Variants in RGS3 observed in about 807,000 individuals in gnomAD.
The protein encoded by RGS3 is regulator of G-protein signalling 3.
A neutral mutation model predicts 132.6 loss-of-function variants in RGS3; 80 were observed. The observed-to-expected ratio is 0.60, with a 90% CI of 0.50 to 0.73. RGS3 has a LOEUF of 0.73. Among genes scored for constraint, RGS3 ranks in the 30% least tolerant of loss-of-function variants. RGS3 has a pLI of 0.00. For synonymous variants in RGS3, 598 were observed against 620.6 expected (o/e 0.96, Z 0.54); for missense variants, 1,382 against 1,530.8 (o/e 0.90, Z 1.62).
intron 19 of RGS3, among the ~76,000 whole-genome samples, chr9:113,567,332 G>A (rs1834059549): frequency 6.6e-6 from 1 of 152,060 alleles, no homozygotes; most frequent in Non-Finnish European, 1.5e-5. Context: ...GGCACCCATG[G>A]ATATTGCTTT....
At chr9:113,488,238 A>G (rs1830398002) in intron 7 of RGS3, among the ~76,000 whole-genome samples, 1 of 152,186 alleles carries the variant, frequency 6.6e-6, no homozygotes. Context: ...GTCTCCACCT[A>G]AGACAGAGTT....
intron 19 of RGS3, among the ~76,000 whole-genome samples, chr9:113,569,908 A>G (rs1834209736): frequency 6.6e-6 from 1 of 152,010 alleles, no homozygotes; most frequent in Non-Finnish European, 1.5e-5. Flanking sequence ...ATGCTTGCCC[A>G]TTGAAGAGCA....
At chr9:113,590,663 C>T (rs909380356) in intron 20 of RGS3, among the ~76,000 whole-genome samples, 1 of 152,024 alleles carries the variant, frequency 6.6e-6, no homozygotes, top group African/African-American at 2.4e-5. Flanking sequence ...GAGATGAAGA[C>T]CTTCTGTTGG....
At chr9:113,529,387 C>T in intron 18 of RGS3, 123 bp downstream of exon 16, 1 of 865,520 alleles carries the variant, frequency 1.2e-6, no homozygotes, top group Non-Finnish European at 1.9e-6. Flanking sequence ...TGCCGAAGTC[C>T]TGGGCAAGGC....
chr9:113,583,474 A>C (rs749349337), exon 20 of RGS3: 1 of 1,614,168 alleles, frequency 6.2e-7, no homozygotes, highest in Non-Finnish European at 8.5e-7. Flanking sequence ...GGCAGATGAG[A>C]AGAGGGAGAT....
chr9:113,492,445 T>C (rs1162931600), intron 7 of RGS3, among the ~76,000 whole-genome samples: 1 of 152,232 alleles, frequency 6.6e-6, no homozygotes, highest in Non-Finnish European at 1.5e-5. Context: ...ATCCCCTGTA[T>C]TGCTGTCTTG....
chr9:113,538,314 A>C (rs1202154252), intron 19 of RGS3, among the ~76,000 whole-genome samples: 1 of 152,136 alleles, frequency 6.6e-6, no homozygotes, highest in Non-Finnish European at 1.5e-5. Flanking sequence ...ACCTGTCCCC[A>C]TGCCTATAGG....
rs975192919 is a variant in RGS3 at position 113,468,368 on chromosome 9, C to T, written c.415+6167C>T. On this transcript the variant is annotated intron_variant, in intron 3 of 24. Coordinates refer to ENST00000350696, the Ensembl canonical transcript of RGS3. ...TGAAAATCAATTGCCCATAAACCCA[C>T]GGCTTATTTCTAGGCTTTCAATTCT... is the stretch of plus-strand genomic sequence containing the variant. Among the ~76,000 whole-genome samples the T allele has an allele frequency of 5.3e-5, 8 of 152,252 alleles. No individual in the cohort carries two copies. The East Asian group carries it at 7.7e-4, about 15-fold the overall frequency.
chr9:113,569,159 G>C (rs557210213), intron 19 of RGS3, among the ~76,000 whole-genome samples: 1 of 152,202 alleles, frequency 6.6e-6, no homozygotes, highest in African/African-American at 2.4e-5. Flanking sequence ...ACTTAGAAAG[G>C]GGGGTGTGTA....
chr9:113,543,289 A>G (rs1832977773), intron 19 of RGS3, among the ~76,000 whole-genome samples: 1 of 152,216 alleles, frequency 6.6e-6, no homozygotes, highest in South Asian at 2.1e-4. Flanking sequence ...CTCAGCTGCT[A>G]TGGCCACTTG....
intron 3 of RGS3, among the ~76,000 whole-genome samples, chr9:113,466,008 C>T (rs1440025392): frequency 3.3e-5 from 5 of 152,156 alleles, no homozygotes; most frequent in Admixed American, 6.5e-5. Flanking sequence ...GGTTTCCAAA[C>T]CCAGCCAAAT....
chr9:113,583,268 A>C, intron 19 of RGS3, 182 bp from the exon 18 acceptor site: 1 of 1,075,048 alleles, frequency 9.3e-7, no homozygotes, highest in Non-Finnish European at 1.3e-6. Flanking sequence ...GCAAGAAGAC[A>C]GGGTGAGAAT....
rs547454328 is a variant in RGS3, at chr9:113,473,848, T to C, written c.416-5643T>C. ...TCTAAGAAACATTGACTTTGTTCTC[T>C]CCATGTGTGTGCCTAGCCTGGTAGT... On this transcript the variant is annotated intron_variant, in intron 3 of 24. Transcript: ENST00000350696. 2.6e-5 allele frequency among the ~76,000 whole-genome samples: 4 copies of C among 152,348 alleles called. No individual in the cohort carries two copies. In the South Asian group the frequency reaches 8.3e-4, roughly 32 times the overall value.
intron 19 of RGS3, among the ~76,000 whole-genome samples, chr9:113,566,939 C>A (rs1834039331): frequency 6.6e-6 from 1 of 152,260 alleles, no homozygotes; most frequent in African/African-American, 2.4e-5. Context: ...CCCCTCTTCC[C>A]CAGCCCTAGC....
chr9:113,511,231 G>A (rs990862122), intron 14 of RGS3, among the ~76,000 whole-genome samples: 106 of 152,188 alleles, frequency 7.0e-4, no homozygotes, highest in African/African-American at 2.4e-3. Flanking sequence ...GCCAGGGCTC[G>A]CCTCAGAATC....
chr9:113,487,229 A>G (rs1256915981), intron 7 of RGS3, among the ~76,000 whole-genome samples: 1 of 147,500 alleles, frequency 6.8e-6, no homozygotes, highest in African/African-American at 2.5e-5. Flanking sequence ...CTCCTGCCTC[A>G]GCCTCCCGAG....
Position 113,498,686 on chromosome 9 carries a change from G to A in RGS3, c.897+606G>A, listed in dbSNP as rs548857433. Reference sequence around the variant, plus strand: ...TCCCAGCACTTTGGGAGGCCGAGGTGGGCGGATCACCTGAGGTAAGGAGTT... The same window carrying A: ...TCCCAGCACTTTGGGAGGCCGAGGTAGGCGGATCACCTGAGGTAAGGAGTT... On this transcript the variant is annotated intron_variant, in intron 10 of 24. Transcript: ENST00000350696. 2.6e-5 allele frequency among the ~76,000 whole-genome samples: 4 copies of A among 152,248 alleles called. No individual in the cohort carries two copies. The South Asian group carries it at 8.3e-4, about 32-fold the overall frequency.
At chr9:113,547,991 T>C (rs1361136223) in intron 19 of RGS3, among the ~76,000 whole-genome samples, 1 of 152,206 alleles carries the variant, frequency 6.6e-6, no homozygotes, top group African/African-American at 2.4e-5. Context: ...AACATACTTT[T>C]GAGTGGGAAA....
At chr9:113,465,476 T>TGTGTGTGTGTGTGC (rs796647799) in intron 3 of RGS3, among the ~76,000 whole-genome samples, 75 of 151,532 alleles carry the variant, frequency 4.9e-4, no homozygotes, top group Non-Finnish European at 8.0e-4. Flanking sequence ...TGTGTGTGTG[T>TGTGTGTGTGTGTGC]GTGTGCCTGT....
Sources: gnomAD v4.1 joint callset for allele counts (sites outside exome capture counted in the v4.1 genomes callset) on GRCh38, gnomAD v4.1.1 for gene constraint, MANE v1.5 for transcripts, NCBI Gene and HGNC (gene_info 2026-07-23, HGNC 2026-07-21) for gene names.